Variants in CLCN5 observed in about 807,000 individuals in gnomAD.
The protein encoded by CLCN5 is Cl-/H+ antiporter 5, also known as H(+)/Cl(-) exchange transporter 5.
In CLCN5, 17 loss-of-function variants were observed where a neutral mutation model predicts 54.0. The ratio of observed to expected loss-of-function variants is 0.31; its 90% CI spans 0.22 to 0.47. The LOEUF (loss-of-function observed/expected upper bound fraction) is 0.47. CLCN5 is among the 20% of genes least tolerant of loss of function. The probability of loss-of-function intolerance (pLI) is 1.00; values close to 1 mark genes in which losing one functional copy is unlikely to be tolerated. For synonymous variants in CLCN5, 222 were observed against 233.0 expected (o/e 0.95, Z 0.43); for missense variants, 448 against 646.7 (o/e 0.69, Z 3.33).
intron 3 of CLCN5, among the ~76,000 whole-genome samples, chrX:49,981,861 G>A (rs782143690): frequency 3.6e-5 from 4 of 110,899 alleles, no homozygotes; most frequent in African/African-American, 1.3e-4. Flanking sequence ...ATCAGTTTAA[G>A]TCTTCACACC....
At chrX:50,015,493 A>G (rs1244253623) in intron 3 of CLCN5, among the ~76,000 whole-genome samples, 1 of 108,146 alleles carries the variant, frequency 9.2e-6, no homozygotes, top group Non-Finnish European at 1.9e-5. Context: ...TATGGAAATG[A>G]GAACAGCCTA....
chrX:49,954,633 GGA>G (rs1927223328), intron 3 of CLCN5, among the ~76,000 whole-genome samples: 1 of 110,986 alleles, frequency 9.0e-6, no homozygotes, highest in Non-Finnish European at 1.9e-5. Context: ...AGAAGTGTAT[GGA>G]TGGAGCTTGG....
At chrX:50,051,822 C>T (rs1178573997) in intron 4 of CLCN5, among the ~76,000 whole-genome samples, 2 of 111,390 alleles carry the variant, frequency 1.8e-5, no homozygotes, top group Non-Finnish European at 3.8e-5. Flanking sequence ...TAGTTCATTA[C>T]TGGTATAAGG....
intron 14 of CLCN5, among the ~76,000 whole-genome samples, chrX:50,091,353 A>G (rs190215000): frequency 8.9e-6 from 1 of 112,263 alleles, no homozygotes; most frequent in African/African-American, 3.2e-5. Context: ...TCCCAAGCCC[A>G]TGGCTCTTTC....
chrX:50,003,030 G>A (rs2147381526), intron 3 of CLCN5: 1 of 264,044 alleles, frequency 3.8e-6, no homozygotes, highest in Non-Finnish European at 7.6e-6. Context: ...ATTTCTGAAG[G>A]TACATATGTG....
At chrX:50,002,800 A>G (rs1347754493) in intron 3 of CLCN5, among the ~76,000 whole-genome samples, 9 of 109,789 alleles carry the variant, frequency 8.2e-5, no homozygotes, top group African/African-American at 3.0e-4. Context: ...CCTGCATGCC[A>G]GATTCTAAGC....
chrX:49,979,159 C>T (rs1284424835), intron 3 of CLCN5, among the ~76,000 whole-genome samples: 1 of 111,294 alleles, frequency 9.0e-6, no homozygotes. Flanking sequence ...GAATACCTTC[C>T]CTACAAAGTA....
intron 3 of CLCN5, among the ~76,000 whole-genome samples, chrX:50,022,635 C>T (rs1172038416): frequency 1.2e-5 from 1 of 81,146 alleles, no homozygotes; most frequent in Middle Eastern, 5.0e-3. Context: ...TTTCCCTCTA[C>T]ACACTGCTTT....
At chrX:50,066,393 G>T (rs782682198) in intron 4 of CLCN5, among the ~76,000 whole-genome samples, 65 of 111,486 alleles carry the variant, frequency 5.8e-4, no homozygotes, top group Non-Finnish European at 1.1e-3. Context: ...GTCCCATGCA[G>T]TGCCTCACAT....
At chrX:50,038,087 A>T (rs1932072002) in intron 3 of CLCN5, among the ~76,000 whole-genome samples, 2 of 112,078 alleles carry the variant, frequency 1.8e-5, no homozygotes, top group African/African-American at 6.5e-5. Flanking sequence ...CATAATGGGG[A>T]TATGTCAAAA....
Position 50,072,600 on chromosome X carries a change from T to C in CLCN5, c.415+12T>C, listed in dbSNP as rs781813378. 5 of 1,145,095 alleles carry C rather than the reference T, an allele frequency of 4.4e-6. No individual in the cohort carries two copies. Among genetic ancestry groups the C allele is most frequent in the Middle Eastern group, 2.4e-4 (1 of 4,203 alleles). The allele number at this position is 1,145,095 out of a possible 1,213,427, so 94.4% of individuals were successfully genotyped here. ...TGGGCTTTTATCAGGTATGGTAAACTGTTAGTTTTCAAAACAAATCTCCTA... is the reference window on the plus strand; with the variant it reads ...TGGGCTTTTATCAGGTATGGTAAACCGTTAGTTTTCAAAACAAATCTCCTA... On this transcript the variant is annotated intron_variant, in intron 6 of 14. Coordinates refer to ENST00000376091, the MANE Select transcript of CLCN5 (RefSeq NM_001127898.4).
chrX:50,039,701 C>CT (rs111862072), intron 3 of CLCN5, among the ~76,000 whole-genome samples: 1,671 of 107,895 alleles, frequency 0.015, 37 homozygotes, highest in African/African-American at 0.053. Flanking sequence ...TTTTTTTTTT[C>CT]TTTTTTTTTG....
intron 3 of CLCN5, among the ~76,000 whole-genome samples, chrX:49,986,713 A>G (rs782796343): frequency 1.8e-5 from 2 of 111,868 alleles, no homozygotes; most frequent in Admixed American, 9.5e-5. Flanking sequence ...ATTGAAGAAA[A>G]TTCTTAGGAA....
At chrX:50,003,123 A>G (rs1239307041) in intron 3 of CLCN5, 3 of 376,363 alleles carry the variant, frequency 8.0e-6, no homozygotes, top group Non-Finnish European at 1.6e-5. Context: ...ACGCATGCAC[A>G]CAGTATACAG....
At chrX:49,933,180 CA>C (rs1183151880) in intron 3 of CLCN5, among the ~76,000 whole-genome samples, 2 of 111,393 alleles carry the variant, frequency 1.8e-5, no homozygotes, top group African/African-American at 6.5e-5. Flanking sequence ...CTCTATCTGG[CA>C]CAGTGCCTCA....
chrX:50,006,538 A>C (rs1444469466), intron 3 of CLCN5, among the ~76,000 whole-genome samples: 1 of 111,700 alleles, frequency 9.0e-6, no homozygotes, highest in Non-Finnish European at 1.9e-5. Context: ...GCCAGAGAAC[A>C]CAGTTCATCA....
chrX:49,949,419 T>C (rs1001399186), intron 3 of CLCN5, among the ~76,000 whole-genome samples: 1 of 112,454 alleles, frequency 8.9e-6, no homozygotes, highest in Non-Finnish European at 1.9e-5. Flanking sequence ...GTATTAATGC[T>C]GATGTCCTGT....
In CLCN5 at chrX:50,080,610, T is replaced by TA; in HGVS notation, c.621dup (p.Val208SerfsTer35). 8.3e-7 allele frequency: 1 copy of TA among 1,207,317 alleles called. No individual in the cohort carries two copies. Among genetic ancestry groups the TA allele is most frequent in the Non-Finnish European group, 1.1e-6 (1 of 892,794 alleles). ...CTGTTCCAGGGAGCCTTTGCCTACA[T>TA]AGTCAATTATTTCATGTACGTCCTC... is the stretch of plus-strand genomic sequence containing the variant. On this transcript the variant is annotated frameshift_variant, in exon 8 of 15. Coordinates refer to ENST00000376091, the MANE Select transcript of CLCN5 (RefSeq NM_001127898.4). LOFTEE classifies it high-confidence loss of function.
intron 3 of CLCN5, among the ~76,000 whole-genome samples, chrX:49,952,193 G>T: frequency 9.0e-6 from 1 of 111,304 alleles, no homozygotes; most frequent in Non-Finnish European, 1.9e-5. Flanking sequence ...GCAGAAAGAG[G>T]CTGGGAATGT....
Sources: allele counts gnomAD v4.1 joint callset (sites outside exome capture counted in the v4.1 genomes callset), GRCh38; gene constraint gnomAD v4.1.1; transcripts MANE v1.5; gene names NCBI Gene and HGNC (gene_info 2026-07-23, HGNC 2026-07-21).